FTO: variants seen among roughly 807,000 people sequenced by gnomAD.
FTO encodes FTO alpha-ketoglutarate dependent dioxygenase, also known as alpha-ketoglutarate-dependent dioxygenase FTO.
FTO carries 47 observed loss-of-function variants against 63.9 expected under a neutral mutation model. The observed-to-expected ratio is 0.74, with a 90% confidence interval of 0.58 to 0.94. The LOEUF is 0.94. Ranked by LOEUF, FTO falls within the 40% of genes least tolerant of loss-of-function variation. The pLI is 0.00. For synonymous variants in FTO, 207 were observed against 224.4 expected (o/e 0.92, Z 0.69); for missense variants, 562 against 618.1 (o/e 0.91, Z 0.96).
At chr16:53,996,515 A>G (rs2083934732) in intron 8 of FTO, among the ~76,000 whole-genome samples, 2 of 152,318 alleles carry the variant, frequency 1.3e-5, no homozygotes, top group Middle Eastern at 3.4e-3. Context: ...AATAAAAGGC[A>G]GTTTCTATCC....
chr16:53,781,462 A>G, intron 1 of FTO, among the ~76,000 whole-genome samples: 1 of 152,232 alleles, frequency 6.6e-6, no homozygotes. Context: ...AAAGTGAGAT[A>G]TAGCACACCC....
intron 7 of FTO, among the ~76,000 whole-genome samples, chr16:53,889,506 G>T (rs2151907800): frequency 6.6e-6 from 1 of 152,282 alleles, no homozygotes; most frequent in East Asian, 1.9e-4. Context: ...CACCAGGTAT[G>T]ACATTAGCTA....
At chr16:53,784,895 T>A (rs1290894819) in intron 1 of FTO, among the ~76,000 whole-genome samples, 3 of 152,016 alleles carry the variant, frequency 2.0e-5, no homozygotes. Flanking sequence ...GTATAGTGTA[T>A]GTGGGAGTGC....
In FTO at chr16:54,112,019, G is replaced by A. The variant is rs1203482144; in HGVS notation, c.*104G>A. 1.6e-6 allele frequency: 2 copies of A among 1,272,356 alleles called. No individual in the cohort carries two copies. The highest frequency in any genetic ancestry group is 2.3e-5 in the East Asian group (1 of 43,158). The allele number at this position is 1,272,356 out of a possible 1,614,324, so 78.8% of individuals were successfully genotyped here. A position where few individuals can be genotyped will look rare whatever the true frequency, so the allele number is the denominator to read the frequency against. ...CAGTGGAGACTTCTCTTGGCCCCTA[G>A]ATTGTAGCACCCGGGTCCCAATCCA... On this transcript the variant is annotated 3_prime_UTR_variant, in exon 9 of 9. Coordinates refer to ENST00000471389, the MANE Select transcript of FTO (RefSeq NM_001080432.3).
intron 1 of FTO, among the ~76,000 whole-genome samples, chr16:53,802,057 C>T (rs1035224743): frequency 4.6e-5 from 7 of 152,208 alleles, no homozygotes; most frequent in African/African-American, 1.7e-4. Flanking sequence ...AGCCACCACA[C>T]GCAGTCTTAT....
intron 1 of FTO, among the ~76,000 whole-genome samples, chr16:53,750,751 T>C (rs1037629148): frequency 4.6e-5 from 7 of 152,186 alleles, no homozygotes; most frequent in African/African-American, 1.4e-4. Flanking sequence ...TCCTGGAGAA[T>C]TGGGAACTCA....
At chr16:53,873,930 T>G (rs949431792) in intron 5 of FTO, 65 bp downstream of exon 5, 57 of 1,179,308 alleles carry the variant, frequency 4.8e-5, no homozygotes, top group Non-Finnish European at 6.8e-5. Context: ...GAATGAGCAA[T>G]TTACTATAGA....
chr16:53,881,674 ACT>A, intron 6 of FTO, among the ~76,000 whole-genome samples: 1 of 151,944 alleles, frequency 6.6e-6, no homozygotes, highest in Admixed American at 6.6e-5. Context: ...AGTTTCGCAA[ACT>A]CTACTTTTCC....
At chr16:53,736,904 C>T (rs2076401269) in intron 1 of FTO, among the ~76,000 whole-genome samples, 1 of 152,180 alleles carries the variant, frequency 6.6e-6, no homozygotes. Context: ...ACTCATTCCC[C>T]TCCCCCAGAT....
intron 8 of FTO, among the ~76,000 whole-genome samples, chr16:54,025,591 C>T (rs573863707): frequency 4.6e-5 from 7 of 151,774 alleles, no homozygotes; most frequent in African/African-American, 9.7e-5. Context: ...GGCTTGGTGA[C>T]GCGTGCTTGT....
At chr16:54,022,066 A>G (rs560634058) in intron 8 of FTO, among the ~76,000 whole-genome samples, 4 of 152,282 alleles carry the variant, frequency 2.6e-5, no homozygotes, top group East Asian at 1.9e-4. Flanking sequence ...GGCTACCATT[A>G]TATCAGTAGG....
chr16:54,066,916 A>G (rs1365790436), intron 8 of FTO, among the ~76,000 whole-genome samples: 3 of 152,234 alleles, frequency 2.0e-5, no homozygotes. Flanking sequence ...CTGCATTTGC[A>G]AAGGTCAGGC....
At chr16:53,855,490 G>T (rs73617836) in intron 4 of FTO, among the ~76,000 whole-genome samples, 217 of 151,884 alleles carry the variant, frequency 1.4e-3, no homozygotes, top group African/African-American at 4.9e-3. Context: ...AATATGGCTG[G>T]TGCTTACTAA....
chr16:53,986,328 C>T (rs2083666953), intron 8 of FTO, among the ~76,000 whole-genome samples: 2 of 152,148 alleles, frequency 1.3e-5, no homozygotes, highest in South Asian at 2.1e-4. Flanking sequence ...TTTTCCAGAG[C>T]ACACTGTTTA....
At chr16:53,928,711 G>A (rs2082207497) in intron 7 of FTO, among the ~76,000 whole-genome samples, 1 of 152,004 alleles carries the variant, frequency 6.6e-6, no homozygotes, top group Non-Finnish European at 1.5e-5. Context: ...CTTGTTTTCT[G>A]CATTCTTTCT....
At chr16:53,964,817 T>C (rs536630880) in intron 8 of FTO, among the ~76,000 whole-genome samples, 5 of 152,366 alleles carry the variant, frequency 3.3e-5, no homozygotes, top group Non-Finnish European at 7.3e-5. Flanking sequence ...TTTTCTTGTC[T>C]TATAGCCTTA....
At chr16:53,824,207 GC>G (rs1220248597) in intron 2 of FTO, among the ~76,000 whole-genome samples, 1 of 152,206 alleles carries the variant, frequency 6.6e-6, no homozygotes, top group African/African-American at 2.4e-5. Flanking sequence ...GACCTCTAGG[GC>G]TATGTGTGAT....
chr16:53,864,385 A>T (rs1273608732), intron 4 of FTO, among the ~76,000 whole-genome samples: 1 of 152,160 alleles, frequency 6.6e-6, no homozygotes, highest in East Asian at 1.9e-4. Context: ...CCTTTTCGAA[A>T]AGTCTGTGGG....
intron 8 of FTO, among the ~76,000 whole-genome samples, chr16:53,940,393 A>C (rs939359740): frequency 6.6e-5 from 10 of 152,182 alleles, no homozygotes; most frequent in African/African-American, 2.4e-4. Flanking sequence ...TGAGGTTCCA[A>C]ATGGGGCTGT....
Sources: gnomAD v4.1 joint callset for allele counts (sites outside exome capture counted in the v4.1 genomes callset) on GRCh38, gnomAD v4.1.1 for gene constraint, MANE v1.5 for transcripts, NCBI Gene and HGNC (gene_info 2026-07-23, HGNC 2026-07-21) for gene names.